LDB2: variants seen among roughly 807,000 people sequenced by gnomAD.
The protein encoded by LDB2 is LIM domain-binding protein 2.
A neutral mutation model predicts 44.3 loss-of-function variants in LDB2; 12 were observed. That is an observed-to-expected ratio of 0.27 (90% CI 0.17 to 0.44). LDB2 has a LOEUF of 0.44. Ranked by LOEUF, LDB2 falls within the 20% of genes least tolerant of loss-of-function variation. The probability of loss-of-function intolerance (pLI) is 1.00; values close to 1 mark genes in which losing one functional copy is unlikely to be tolerated. For missense variants in LDB2, 344 were observed against 473.5 expected, an observed-to-expected ratio of 0.73 and a Z score of 2.54; for synonymous variants, 164 against 174.8, an observed-to-expected ratio of 0.94 and a Z score of 0.49.
chr4:16,660,852 T>C (rs190706582), intron 2 of LDB2, among the ~76,000 whole-genome samples: 42 of 152,256 alleles, frequency 2.8e-4, no homozygotes, highest in Admixed American at 2.6e-4. Context: ...AGGAAAAGGA[T>C]TGCATAAATC....
At chr4:16,772,707 G>T (rs1177677986) in intron 1 of LDB2, among the ~76,000 whole-genome samples, 1 of 152,058 alleles carries the variant, frequency 6.6e-6, no homozygotes, top group Non-Finnish European at 1.5e-5. Flanking sequence ...CTCACCATAG[G>T]AGCACTCATA....
chr4:16,880,127 T>C (rs929990128), intron 1 of LDB2, among the ~76,000 whole-genome samples: 1 of 151,820 alleles, frequency 6.6e-6, no homozygotes, highest in Non-Finnish European at 1.5e-5. Flanking sequence ...GCCTCCTCCA[T>C]GACACATGGC....
At chr4:16,503,446 G>A (rs1718096887) in intron 7 of LDB2, among the ~76,000 whole-genome samples, 1 of 152,188 alleles carries the variant, frequency 6.6e-6, no homozygotes, top group Non-Finnish European at 1.5e-5. Flanking sequence ...CTTTTATGCA[G>A]CCAATATCCT....
chr4:16,882,451 T>C (rs1720436729), intron 1 of LDB2, among the ~76,000 whole-genome samples: 1 of 152,148 alleles, frequency 6.6e-6, no homozygotes, highest in Non-Finnish European at 1.5e-5. Flanking sequence ...ACAGGAAATA[T>C]AGAATTAGGA....
In LDB2 at chr4:16,815,653, A is replaced by G. The variant is rs190713620; in HGVS notation, c.133-56393T>C. On this transcript the variant is annotated intron_variant, in intron 1 of 7. Coordinates refer to ENST00000304523, the MANE Select transcript of LDB2 (RefSeq NM_001290.5). ...ACCCACTCTTCAAGTCTCAAGACAAAGTCTCTGAATTAGGGAAGAATCCCT... is the reference window on the plus strand; with the variant it reads ...ACCCACTCTTCAAGTCTCAAGACAAGGTCTCTGAATTAGGGAAGAATCCCT... Among the ~76,000 whole-genome samples, 8 of 152,284 alleles carry G rather than the reference A, an allele frequency of 5.3e-5. No homozygotes were observed. In the East Asian group the frequency reaches 1.5e-3, roughly 29 times the overall value.
At chr4:16,803,687 A>C (rs948294697) in intron 1 of LDB2, among the ~76,000 whole-genome samples, 6 of 152,172 alleles carry the variant, frequency 3.9e-5, no homozygotes, top group African/African-American at 1.4e-4. Context: ...AAAAAATCTG[A>C]GTTACAATTC....
chr4:16,541,530 A>G (rs1733767102), intron 5 of LDB2, among the ~76,000 whole-genome samples: 1 of 152,210 alleles, frequency 6.6e-6, no homozygotes, highest in Non-Finnish European at 1.5e-5. Flanking sequence ...AGAATGGCCT[A>G]ATAAACCATG....
intron 1 of LDB2, among the ~76,000 whole-genome samples, chr4:16,837,602 G>A (rs575578717): frequency 3.9e-5 from 6 of 152,292 alleles, no homozygotes; most frequent in Admixed American, 3.9e-4. Context: ...GAAAAAGCCT[G>A]GGCTAACCTG....
At chr4:16,884,672 GAGA>G (rs375288418) in intron 1 of LDB2, among the ~76,000 whole-genome samples, 68 of 152,294 alleles carry the variant, frequency 4.5e-4, no homozygotes, top group African/African-American at 1.5e-3. Context: ...GCTCTTTTAA[GAGA>G]AGGACTCTGC....
At chr4:16,791,012 G>C (rs575870199) in intron 1 of LDB2, among the ~76,000 whole-genome samples, 2 of 152,206 alleles carry the variant, frequency 1.3e-5, no homozygotes, top group East Asian at 3.9e-4. Context: ...TTCTAGAAAA[G>C]CCCAACTGCC....
intron 3 of LDB2, among the ~76,000 whole-genome samples, chr4:16,589,723 T>C (rs1377102367): frequency 6.6e-6 from 1 of 152,152 alleles, no homozygotes; most frequent in Non-Finnish European, 1.5e-5. Flanking sequence ...GTGGTGGTAG[T>C]GTATTGGTTC....
rs373570616 is a variant in LDB2, at chr4:16,614,845, C to T, written c.236-18970G>A. 7.3e-5 allele frequency among the ~76,000 whole-genome samples: 11 copies of T among 150,700 alleles called. No homozygotes were observed. In the South Asian group the frequency reaches 1.5e-3, roughly 20 times the overall value. On this transcript the variant is annotated intron_variant, in intron 2 of 7. Coordinates refer to ENST00000304523, the MANE Select transcript of LDB2 (RefSeq NM_001290.5). Reference sequence around the variant, plus strand: ...CAGCACTTTGGGAGGCCGAGGCGGGCGGATCATGAGGTCAGGAGATCGAGA... The same window carrying T: ...CAGCACTTTGGGAGGCCGAGGCGGGTGGATCATGAGGTCAGGAGATCGAGA...
intron 2 of LDB2, among the ~76,000 whole-genome samples, chr4:16,660,604 G>A (rs1578558173): frequency 6.6e-6 from 1 of 152,146 alleles, no homozygotes; most frequent in Non-Finnish European, 1.5e-5. Context: ...CACCTTGCTA[G>A]GTTCTGGGGT....
intron 1 of LDB2, among the ~76,000 whole-genome samples, chr4:16,885,806 A>T (rs182293129): frequency 6.6e-6 from 1 of 152,336 alleles, no homozygotes; most frequent in Non-Finnish European, 1.5e-5. Context: ...ATAGGGAGTG[A>T]GAGAGAGGTC....
chr4:16,731,220 G>C (rs922301131), intron 2 of LDB2, among the ~76,000 whole-genome samples: 3 of 152,164 alleles, frequency 2.0e-5, no homozygotes, highest in Non-Finnish European at 4.4e-5. Flanking sequence ...GGGCTGGAAT[G>C]GACTGGACTG....
chr4:16,881,381 A>T (rs1387436547), intron 1 of LDB2, among the ~76,000 whole-genome samples: 1 of 152,212 alleles, frequency 6.6e-6, no homozygotes, highest in Non-Finnish European at 1.5e-5. Context: ...TGAGGCCATG[A>T]TGTAAAGCAC....
chr4:16,538,758 A>G (rs1732726944), intron 5 of LDB2, among the ~76,000 whole-genome samples: 1 of 152,192 alleles, frequency 6.6e-6, no homozygotes, highest in African/African-American at 2.4e-5. Context: ...TTATTCCTTC[A>G]TTCACCAAAT....
chr4:16,520,763 C>T (rs917370033), intron 5 of LDB2, among the ~76,000 whole-genome samples: 1 of 152,160 alleles, frequency 6.6e-6, no homozygotes, highest in Non-Finnish European at 1.5e-5. Context: ...TTTTCTGACC[C>T]ACCCAGGGGA....
At chr4:16,717,287 C>A (rs1243497839) in intron 2 of LDB2, among the ~76,000 whole-genome samples, 1 of 152,020 alleles carries the variant, frequency 6.6e-6, no homozygotes, top group Non-Finnish European at 1.5e-5. Flanking sequence ...GCAGGGGAAA[C>A]AATAACTCTC....
Sources: allele counts gnomAD v4.1 joint callset (sites outside exome capture counted in the v4.1 genomes callset), GRCh38; gene constraint gnomAD v4.1.1; transcripts MANE v1.5; gene names NCBI Gene and HGNC (gene_info 2026-07-23, HGNC 2026-07-21).